The following NRDE2 variants were observed in gnomAD, a reference collection of about 807,000 sequenced individuals.
NRDE2 encodes the protein nuclear exosome regulator NRDE2.
A neutral mutation model predicts 124.2 loss-of-function variants in NRDE2; 76 were observed. The ratio of observed to expected loss-of-function variants is 0.61; its 90% CI spans 0.51 to 0.74. NRDE2 has a LOEUF of 0.74. NRDE2 is among the 30% of genes least tolerant of loss of function. The pLI is 0.00. For synonymous variants in NRDE2, 489 were observed against 528.1 expected, an observed-to-expected ratio of 0.93 and a Z score of 1.01; for missense variants, 1,314 against 1,417.3, an observed-to-expected ratio of 0.93 and a Z score of 1.17.
intron 4 of NRDE2, among the ~76,000 whole-genome samples, chr14:90,305,707 G>A (rs1884573158): frequency 6.6e-6 from 1 of 152,236 alleles, no homozygotes; most frequent in African/African-American, 2.4e-5. Context: ...CCACTTACAT[G>A]CATTTTAGAA....
chr14:90,288,145 C>A lies in NRDE2; in HGVS notation c.3158+72G>T, dbSNP rs1162652103. On this transcript the variant is annotated intron_variant, in intron 11 of 13. Coordinates refer to ENST00000354366, the MANE Select transcript of NRDE2 (RefSeq NM_017970.4). ...TCATCCCTGTCTTCCTGAGACCCAG[C>A]AAGGTCAGGGCAACACAGCAAGCAT... The A allele has an allele frequency of 2.8e-6, 4 of 1,413,960 alleles. No individual in the cohort carries two copies. In the African/African-American group the frequency reaches 5.7e-5, roughly 20 times the overall value. The allele number at this position is 1,413,960 out of a possible 1,614,324, so 87.6% of individuals were successfully genotyped here.
At chr14:90,306,386 G>A (rs962118051) in intron 4 of NRDE2, among the ~76,000 whole-genome samples, 7 of 152,170 alleles carry the variant, frequency 4.6e-5, no homozygotes, top group African/African-American at 1.4e-4. Context: ...TTCTCACACA[G>A]ACATAAATAT....
intron 1 of NRDE2, 38 bp downstream of exon 1, chr14:90,331,803 C>T (rs760650458): frequency 6.2e-7 from 1 of 1,606,776 alleles, no homozygotes; most frequent in Non-Finnish European, 8.5e-7. Flanking sequence ...GCCTCTTAAG[C>T]CCCCCAGGTG....
In NRDE2 at chr14:90,274,173, G is replaced by C. The variant is rs1891739655; in HGVS notation, c.*4163C>G. ...GGTGTCAGCCCAAGTAGGGTGTGGA[G>C]CTGTCCATGTGGAGGAACACCACAG... On this transcript the variant is annotated 3_prime_UTR_variant, in exon 14 of 14. Coordinates refer to ENST00000354366, the MANE Select transcript of NRDE2 (RefSeq NM_017970.4). The C allele has an allele frequency of 6.4e-6, 1 of 155,354 alleles. No individual in the cohort carries two copies. 9.6% of individuals were successfully genotyped at this position (155,354 alleles called of 1,614,324 possible). A position where few individuals can be genotyped will look rare whatever the true frequency, so the allele number is the denominator to read the frequency against.
At position 90,290,287 on chromosome 14, in the gene NRDE2, C is replaced by T; in HGVS notation, c.2163G>A (p.Met721Ile). The T allele has an allele frequency of 6.2e-7, 1 of 1,614,082 alleles. No individual in the cohort carries two copies. Among genetic ancestry groups the T allele is most frequent in the South Asian group, 1.1e-5 (1 of 91,076 alleles). The change falls in exon 10 of 14, where the codon ATG becomes ATA. Residue 721 changes from methionine to isoleucine, a missense_variant. Coordinates refer to ENST00000354366, the MANE Select transcript of NRDE2 (RefSeq NM_017970.4). Reference sequence around the variant, plus strand: ...ACTTCTCTTTGCCTGAAAATAAAGGCATGACAAGGTGGAAGACATTGCGGA... The same window carrying T: ...ACTTCTCTTTGCCTGAAAATAAAGGTATGACAAGGTGGAAGACATTGCGGA... ...EFIRNVFHLV[M>I]PLFSGKEKSQ...
At position 90,325,282 on chromosome 14, in the gene NRDE2, T is replaced by C. The variant is rs140532733; in HGVS notation, c.64+6559A>G. On this transcript the variant is annotated intron_variant, in intron 1 of 13. Transcript: ENST00000354366. ...AGATTAAATAAACTAATATACCATC[T>C]TCCATTCCAAATCTGTCAAATATTT... is the stretch of plus-strand genomic sequence containing the variant. 7.2e-5 allele frequency among the ~76,000 whole-genome samples: 11 copies of C among 152,314 alleles called. No homozygotes were observed. The East Asian group carries it at 1.9e-3, about 27-fold the overall frequency.
At chr14:90,330,219 A>AAATAAATAAATAAAT (rs1885626924) in intron 1 of NRDE2, among the ~76,000 whole-genome samples, 3 of 6,206 alleles carry the variant, frequency 4.8e-4, no homozygotes, top group African/African-American at 1.0e-3. Flanking sequence ...AAAAAAAAAT[A>AAATAAATAAATAAAT]AATAAATAAA....
Position 90,275,027 on chromosome 14 carries a change from C to T in NRDE2, c.*3309G>A, listed in dbSNP as rs1340167934. The T allele has an allele frequency of 6.6e-6, 1 of 152,180 alleles. No individual in the cohort carries two copies. The highest frequency in any genetic ancestry group is 2.4e-5 in the African/African-American group (1 of 41,432). The allele number at this position is 152,180 out of a possible 1,614,324, so 9.4% of individuals were successfully genotyped here. ...GGGCACTTTGAAAGTACGTGCCACC[C>T]AAGAGTGTCAGTGCTGTCACACTCC... is the stretch of plus-strand genomic sequence containing the variant. On this transcript the variant is annotated 3_prime_UTR_variant, in exon 14 of 14. Transcript: ENST00000354366.
At chr14:90,313,974 T>G (rs981000750) in intron 3 of NRDE2, among the ~76,000 whole-genome samples, 1 of 152,108 alleles carries the variant, frequency 6.6e-6, no homozygotes, top group Non-Finnish European at 1.5e-5. Context: ...TACTGCAAAC[T>G]GATTGATGCA....
intron 4 of NRDE2, among the ~76,000 whole-genome samples, chr14:90,308,610 G>C (rs1420733624): frequency 6.6e-6 from 1 of 152,158 alleles, no homozygotes; most frequent in African/African-American, 2.4e-5. Context: ...GACAGTGCTG[G>C]TCAAATCCTA....
Position 90,270,421 on chromosome 14 carries a change from C to A in NRDE2, c.*7915G>T. On this transcript the variant is annotated 3_prime_UTR_variant, in exon 14 of 14. Coordinates refer to ENST00000354366, the MANE Select transcript of NRDE2 (RefSeq NM_017970.4). ...TCAATCAGGAAAGAGTCTATATGTGCTCTTGGGATGGTGGTTGGCCTGGAC... is the reference window on the plus strand; with the variant it reads ...TCAATCAGGAAAGAGTCTATATGTGATCTTGGGATGGTGGTTGGCCTGGAC... 1 of 1,510,744 alleles carries A rather than the reference C, an allele frequency of 6.6e-7. No homozygotes were observed. The highest frequency in any genetic ancestry group is 1.3e-5 in the South Asian group (1 of 79,346). 93.6% of individuals were successfully genotyped at this position (1,510,744 alleles called of 1,614,324 possible).
At chr14:90,295,080 C>G (rs1452867077) in intron 8 of NRDE2, among the ~76,000 whole-genome samples, 1 of 152,128 alleles carries the variant, frequency 6.6e-6, no homozygotes, top group Non-Finnish European at 1.5e-5. Context: ...ACCATAGAAA[C>G]ACACACACCA....
At position 90,274,411 on chromosome 14, in the gene NRDE2, G is replaced by A. The variant is rs1047803939; in HGVS notation, c.*3925C>T. 1 of 153,970 alleles carries A rather than the reference G, an allele frequency of 6.5e-6. No homozygotes were observed. Among genetic ancestry groups the A allele is most frequent in the Non-Finnish European group, 1.5e-5 (1 of 68,198 alleles). 9.5% of individuals were successfully genotyped at this position (153,970 alleles called of 1,614,324 possible). ...CAGTCAGGCAGGTAAACAGGACAGT[G>A]GGAGCCAGGTTTCTCTGAGGAGTTA... On this transcript the variant is annotated 3_prime_UTR_variant, in exon 14 of 14. Transcript: ENST00000354366.
In NRDE2 at chr14:90,325,004, C is replaced by T. The variant is rs1207415266; in HGVS notation, c.64+6837G>A. Among the ~76,000 whole-genome samples the T allele has an allele frequency of 6.6e-5, 10 of 151,666 alleles. No homozygotes were observed. In the South Asian group the frequency reaches 1.5e-3, roughly 22 times the overall value. ...GAGGCTGTTGTAGTAATCTAGGAGA[C>T]GATGACGGCAAAAGTTAGGTAATGG... On this transcript the variant is annotated intron_variant, in intron 1 of 13. Transcript: ENST00000354366.
At chr14:90,315,911 C>T (rs1487457357) in intron 3 of NRDE2, among the ~76,000 whole-genome samples, 3 of 144,182 alleles carry the variant, frequency 2.1e-5, no homozygotes, top group East Asian at 2.1e-4. Context: ...GAGCTGAGAT[C>T]GCACCACTGC....
chr14:90,318,885 TA>T (rs1394893612), intron 1 of NRDE2, among the ~76,000 whole-genome samples: 4 of 152,180 alleles, frequency 2.6e-5, no homozygotes, highest in Non-Finnish European at 5.9e-5. Flanking sequence ...TAAGATCTTT[TA>T]AAAAATATTC....
chr14:90,315,957 CA>C (rs59604203), intron 3 of NRDE2, among the ~76,000 whole-genome samples: 24,022 of 74,486 alleles, frequency 0.32, 1,354 homozygotes, highest in South Asian at 0.37. Flanking sequence ...AACCCCGTCT[CA>C]AAAAAAAAAA....
At chr14:90,326,752 G>A (rs1040555167) in intron 1 of NRDE2, among the ~76,000 whole-genome samples, 1 of 152,018 alleles carries the variant, frequency 6.6e-6, no homozygotes, top group Non-Finnish European at 1.5e-5. Flanking sequence ...CCCTAAAAAT[G>A]GAAAATATTT....
chr14:90,289,152 G>A lies in NRDE2; in HGVS notation c.2230-7C>T. 6.3e-7 allele frequency: 1 copy of A among 1,582,980 alleles called. No individual in the cohort carries two copies. The highest frequency in any genetic ancestry group is 1.1e-5 in the South Asian group (1 of 88,402). On this transcript the variant is annotated splice_region_variant and splice_polypyrimidine_tract_variant and intron_variant, in intron 10 of 13. Transcript: ENST00000354366. The stretch of plus-strand genomic sequence containing the variant: ...TGTGCAGGCACCAAATGACCTACAG[G>A]GAAAAAGAGAAGAATGACTGCAGGT...
Sources: gnomAD v4.1 joint callset for allele counts (sites outside exome capture counted in the v4.1 genomes callset) on GRCh38, gnomAD v4.1.1 for gene constraint, MANE v1.5 for transcripts, NCBI Gene and HGNC (gene_info 2026-07-23, HGNC 2026-07-21) for gene names.